Variants in GJC1 observed in about 807,000 individuals in gnomAD.
The protein encoded by GJC1 is gap junction gamma-1 protein.
GJC1 carries 5 observed loss-of-function variants against 29.3 expected under a neutral mutation model. That is an observed-to-expected ratio of 0.17 (90% CI 0.09 to 0.36). The LOEUF (loss-of-function observed/expected upper bound fraction) is 0.36. Among genes scored for constraint, GJC1 ranks in the 10% least tolerant of loss-of-function variants. GJC1 has a pLI of 1.00. For missense variants in GJC1, 310 were observed against 496.2 expected (o/e 0.62, Z 3.56); for synonymous variants, 177 against 183.3 (o/e 0.97, Z 0.28).
downstream of GJC1, chr17:44,797,813 C>G (rs923924860): frequency 6.6e-6 from 1 of 152,210 alleles, no homozygotes; most frequent in Non-Finnish European, 1.5e-5. Flanking sequence ...AGTGATTTAA[C>G]TGCTCCAATA....
chr17:44,805,483 G>A lies in GJC1; in HGVS notation c.335C>T (p.Ala112Val), dbSNP rs1233460202. Reference sequence around the variant, plus strand: ...GCGCATTGCATAGGGCTTGCTCCGAGCTGCCTTCTTGTCTGCTTCACCGTG... The same window carrying A: ...GCGCATTGCATAGGGCTTGCTCCGAACTGCCTTCTTGTCTGCTTCACCGTG... The part of the protein sequence containing the change: ...MEHGEADKKA[A>V]RSKPYAMRWK... The change falls in exon 3 of 3, where the codon GCT becomes GTT. Residue 112 changes from alanine to valine, a missense_variant. Ala to Val is a moderately conservative substitution (Grantham distance 64). This residue lies in a region of GJC1 where 82 missense variants were observed against 100.7 expected (regional missense o/e 0.81). Coordinates refer to ENST00000592524, the MANE Select transcript of GJC1 (RefSeq NM_005497.4). The surrounding 1 kb of genome is among the most constrained non-coding windows in gnomAD (Gnocchi z 5.1). 1 of 1,614,156 alleles carries A rather than the reference G, an allele frequency of 6.2e-7. No homozygotes were observed. The highest frequency in any genetic ancestry group is 8.5e-7 in the Non-Finnish European group (1 of 1,180,030).
chr17:44,830,578 C>A, upstream of GJC1: 1 of 398,590 alleles, frequency 2.5e-6, no homozygotes, highest in South Asian at 1.3e-4. This position sits in a 1 kb window ranked among gnomAD's most constrained non-coding sequence, Gnocchi z 4.3. Context: ...GCGAGAGTCC[C>A]CCGCCAGCCG....
At chr17:44,794,567 T>A (rs891696389), downstream of GJC1, 2 of 152,236 alleles carry the variant, frequency 1.3e-5, no homozygotes, top group Admixed American at 6.5e-5. Flanking sequence ...GAGCTCCCCG[T>A]CAGTGCTTTT....
At chr17:44,819,148 T>C (rs1163008431) in intron 1 of GJC1, among the ~76,000 whole-genome samples, 1 of 152,098 alleles carries the variant, frequency 6.6e-6, no homozygotes, top group African/African-American at 2.4e-5. Flanking sequence ...CTCCAGAATT[T>C]TTTTCATCTT....
chr17:44,815,485 G>A (rs977855140), intron 1 of GJC1, among the ~76,000 whole-genome samples: 1 of 152,134 alleles, frequency 6.6e-6, no homozygotes, highest in Non-Finnish European at 1.5e-5. Flanking sequence ...AAAGGCACTA[G>A]TAATTTACAG....
At chr17:44,815,701 C>T (rs898077318) in intron 1 of GJC1, among the ~76,000 whole-genome samples, 25 of 152,190 alleles carry the variant, frequency 1.6e-4, no homozygotes, top group Admixed American at 6.6e-4. Flanking sequence ...AAAAGGTAAT[C>T]TTGATATAGT....
chr17:44,812,060 AT>A, intron 1 of GJC1, among the ~76,000 whole-genome samples: 2 of 152,218 alleles, frequency 1.3e-5, no homozygotes, highest in Admixed American at 1.3e-4. Context: ...CATGCCTGTA[AT>A]GCCAGCACTT....
intron 1 of GJC1, among the ~76,000 whole-genome samples, chr17:44,824,573 G>A (rs1160419298): frequency 6.6e-6 from 1 of 152,080 alleles, no homozygotes; most frequent in Non-Finnish European, 1.5e-5. Context: ...AAAGTGCTGG[G>A]AGTACATGTG....
chr17:44,823,086 A>C (rs1437827287), intron 1 of GJC1, among the ~76,000 whole-genome samples: 1 of 152,132 alleles, frequency 6.6e-6, no homozygotes, highest in East Asian at 1.9e-4. Context: ...GCCAAAACTG[A>C]TAAATACTAC....
intron 1 of GJC1, among the ~76,000 whole-genome samples, chr17:44,824,733 C>T (rs1034015394): frequency 2.0e-5 from 3 of 150,570 alleles, no homozygotes. Flanking sequence ...TTGCTTGAAC[C>T]TGGGAGGCAG....
At chr17:44,808,209 T>G (rs1163117250) in intron 1 of GJC1, among the ~76,000 whole-genome samples, 3 of 151,976 alleles carry the variant, frequency 2.0e-5, no homozygotes, top group Admixed American at 6.6e-5. Context: ...GTGCTTTGTG[T>G]TGTTGTTTAA....
At chr17:44,811,911 G>T (rs1482593085) in intron 1 of GJC1, among the ~76,000 whole-genome samples, 2 of 151,956 alleles carry the variant, frequency 1.3e-5, no homozygotes, top group Non-Finnish European at 2.9e-5. Context: ...GCTGAGGCAG[G>T]AGAATGGCTT....
chr17:44,800,529 C>A lies in GJC1; in HGVS notation c.*4098G>T, dbSNP rs2049831549. ...GAAAGCTGGCTAGCCAAAAATGTAT[C>A]ATCAACTATCGATTTTATTTTCAGA... is the stretch of plus-strand genomic sequence containing the variant. On this transcript the variant is annotated 3_prime_UTR_variant, in exon 3 of 3. Transcript: ENST00000592524. The A allele has an allele frequency of 6.6e-6, 1 of 152,192 alleles. No homozygotes were observed. The highest frequency in any genetic ancestry group is 2.1e-4 in the South Asian group (1 of 4,830). 9.4% of individuals were successfully genotyped at this position (152,192 alleles called of 1,614,324 possible).
At chr17:44,796,442 G>C (rs2145273625), downstream of GJC1, among the ~76,000 whole-genome samples, 1 of 152,322 alleles carries the variant, frequency 6.6e-6, no homozygotes, top group African/African-American at 2.4e-5. Context: ...TCCCCTCCAG[G>C]GAGCCAGCAG....
At chr17:44,825,611 C>T (rs1356728310) in intron 1 of GJC1, among the ~76,000 whole-genome samples, 2 of 151,508 alleles carry the variant, frequency 1.3e-5, no homozygotes, top group African/African-American at 4.9e-5. Context: ...CCTTTCTCTA[C>T]TAAAAATACA....
At chr17:44,822,558 G>A (rs187873285) in intron 1 of GJC1, among the ~76,000 whole-genome samples, 1 of 146,596 alleles carries the variant, frequency 6.8e-6, no homozygotes, top group Non-Finnish European at 1.5e-5. Context: ...CAGGAGAATC[G>A]CCTGAAACCG....
chr17:44,826,547 T>C (rs994496916), intron 1 of GJC1, among the ~76,000 whole-genome samples: 3 of 146,412 alleles, frequency 2.0e-5, no homozygotes, highest in African/African-American at 7.5e-5. Context: ...AAAAAAAAAG[T>C]AAAATGCTAT....
At chr17:44,822,196 CAAAAAAA>C (rs59152296) in intron 1 of GJC1, among the ~76,000 whole-genome samples, 930 of 47,532 alleles carry the variant, frequency 0.02, 3 homozygotes, top group Non-Finnish European at 0.032. Context: ...GACTCCGTCT[CAAAAAAA>C]AAAAAAAAAA....
At position 44,803,612 on chromosome 17, in the gene GJC1, G is replaced by A. The variant is rs1333627114; in HGVS notation, c.*1015C>T. On this transcript the variant is annotated 3_prime_UTR_variant, in exon 3 of 3. Coordinates refer to ENST00000592524, the MANE Select transcript of GJC1 (RefSeq NM_005497.4). ...CAAGTAGCTTTGAGTATTCTTGGTT[G>A]ACAAGGGAATGTTTGCATTTCTAAT... The A allele has an allele frequency of 6.6e-6, 1 of 152,214 alleles. No individual in the cohort carries two copies. The highest frequency in any genetic ancestry group is 6.6e-5 in the Admixed American group (1 of 15,256). The allele number at this position is 152,214 out of a possible 1,614,324, so 9.4% of individuals were successfully genotyped here. A position where few individuals can be genotyped will look rare whatever the true frequency, so the allele number is the denominator to read the frequency against.
Sources: allele counts gnomAD v4.1 joint callset (sites outside exome capture counted in the v4.1 genomes callset), GRCh38; gene constraint gnomAD v4.1.1; regional missense constraint gnomAD v4.1.1; non-coding constraint Gnocchi (gnomAD v3.1); transcripts MANE v1.5; gene names NCBI Gene and HGNC (gene_info 2026-07-23, HGNC 2026-07-21).